Variants in PPP3CC observed in about 807,000 individuals in gnomAD.
PPP3CC encodes the protein protein phosphatase 3 catalytic subunit gamma.
PPP3CC carries 35 observed loss-of-function variants against 60.3 expected under a neutral mutation model. That is an observed-to-expected ratio of 0.58 (90% CI 0.44 to 0.77). The LOEUF (loss-of-function observed/expected upper bound fraction) is 0.77, where lower values mean the gene tolerates loss of function less well. Among genes scored for constraint, PPP3CC ranks in the 30% least tolerant of loss-of-function variants. PPP3CC has a pLI of 0.00. For missense variants in PPP3CC, 570 were observed against 628.9 expected (o/e 0.91, Z 1.00); for synonymous variants, 206 against 224.3 (o/e 0.92, Z 0.73).
rs1839436506 is a variant in PPP3CC at position 22,522,555 on chromosome 8, G to A, written c.835G>A (p.Ala279Thr). The A allele has an allele frequency of 2.5e-6, 4 of 1,612,092 alleles. No homozygotes were observed. The highest frequency in any genetic ancestry group is 3.4e-6 in the Non-Finnish European group (4 of 1,178,754). ...NLLSIIRAHE[A>T]QDAGYRMYRK... is the part of the protein sequence containing the mutation. ...ACTATCAATTATCAGAGCCCATGAA[G>A]CCCAAGATGCTGGGTAAGTTACATT... Residue 279 changes from alanine to threonine, a missense_variant, in exon 7 of 14, where the codon GCC (alanine) becomes ACC (threonine). Coordinates refer to ENST00000240139, the MANE Select transcript of PPP3CC (RefSeq NM_005605.5).
intron 6 of PPP3CC, among the ~76,000 whole-genome samples, chr8:22,517,669 TATG>T (rs1481008118): frequency 7.2e-5 from 11 of 152,324 alleles, no homozygotes; most frequent in African/African-American, 2.4e-4. Context: ...AATAGTCCGT[TATG>T]ATCCCTTTTA....
intron 1 of PPP3CC, among the ~76,000 whole-genome samples, chr8:22,450,832 TTTA>T (rs1347452064): frequency 1.3e-5 from 2 of 148,230 alleles, no homozygotes; most frequent in African/African-American, 4.9e-5. Context: ...TATTTATTTA[TTTA>T]TTTATTTATT....
intron 1 of PPP3CC, among the ~76,000 whole-genome samples, chr8:22,457,545 C>T (rs370884449): frequency 2.0e-5 from 3 of 151,372 alleles, no homozygotes; most frequent in African/African-American, 7.3e-5. Context: ...AGGCCTCAAG[C>T]GATCCATCTG....
chr8:22,464,134 G>T (rs1044231152), intron 1 of PPP3CC, among the ~76,000 whole-genome samples: 1 of 151,994 alleles, frequency 6.6e-6, no homozygotes, highest in African/African-American at 2.4e-5. Flanking sequence ...AATTGGGAAG[G>T]CTTAACTTTC....
In PPP3CC at chr8:22,532,308, T is replaced by C; in HGVS notation, c.1223+2T>C. 1 of 1,606,016 alleles carries C rather than the reference T, an allele frequency of 6.2e-7. No individual in the cohort carries two copies. Among genetic ancestry groups the C allele is most frequent in the Non-Finnish European group, 8.5e-7 (1 of 1,172,728 alleles). The stretch of plus-strand genomic sequence containing the variant: ...GGCACGGGTCTTTTCAATTCTTCGG[T>C]AAGGATGTCTGTCATTACAGTGCGG... On this transcript the variant is annotated splice_donor_variant, in intron 11 of 13. Coordinates refer to ENST00000240139, the MANE Select transcript of PPP3CC (RefSeq NM_005605.5). LOFTEE classifies it high-confidence loss of function.
chr8:22,512,740 G>A (rs2461489), intron 5 of PPP3CC, among the ~76,000 whole-genome samples: 64,852 of 151,924 alleles, frequency 0.43, 14,047 homozygotes, highest in East Asian at 0.55. Flanking sequence ...GATGTAAGAG[G>A]GTCTTTTACT....
Position 22,528,532 on chromosome 8 carries a change from A to C in PPP3CC, c.1096A>C (p.Asn366His). ...KVTEMLVNVL[N>H]ICSDDELISD... is the part of the protein sequence containing the mutation. ...CACAGAGATGCTGGTAAATGTGCTC[A>C]ACATATGCTCTGATGACGAACTGAT... is the stretch of plus-strand genomic sequence containing the variant. Residue 366 changes from asparagine (N) to histidine (H), a missense_variant, in exon 10 of 14, where the codon AAC becomes CAC. Physicochemically the swap from Asn to His is moderately conservative, Grantham distance 68. Transcript: ENST00000240139. 4 of 1,559,204 alleles carry C rather than the reference A, an allele frequency of 2.6e-6. No homozygotes were observed. Among genetic ancestry groups the C allele is most frequent in the Non-Finnish European group, 3.5e-6 (4 of 1,147,942 alleles).
intron 10 of PPP3CC, among the ~76,000 whole-genome samples, chr8:22,530,132 G>A (rs1839663120): frequency 6.6e-6 from 1 of 152,186 alleles, no homozygotes; most frequent in African/African-American, 2.4e-5. Flanking sequence ...CCGCACTGAA[G>A]ATCAACAGCA....
At chr8:22,514,376 CT>C (rs1454384107) in intron 6 of PPP3CC, among the ~76,000 whole-genome samples, 1 of 151,324 alleles carries the variant, frequency 6.6e-6, no homozygotes, top group Non-Finnish European at 1.5e-5. Flanking sequence ...TGTTAATTGG[CT>C]AAGATAATGT....
At chr8:22,508,579 A>G (rs1438844987) in intron 4 of PPP3CC, among the ~76,000 whole-genome samples, 2 of 152,218 alleles carry the variant, frequency 1.3e-5, no homozygotes, top group African/African-American at 4.8e-5. Context: ...TTTTGGAAGT[A>G]GGCTAAGGAA....
chr8:22,525,420 CTTTCTCTCTTTTCT>C (rs916893288), intron 8 of PPP3CC, among the ~76,000 whole-genome samples: 4 of 151,768 alleles, frequency 2.6e-5, no homozygotes, highest in African/African-American at 9.7e-5. Flanking sequence ...TCTTCTTTCT[CTTTCTCTCTTTTCT>C]TTTCTCTCTC....
At chr8:22,489,101 C>T (rs906669131) in intron 3 of PPP3CC, among the ~76,000 whole-genome samples, 1 of 151,484 alleles carries the variant, frequency 6.6e-6, no homozygotes. Context: ...ATTACTTTGG[C>T]TGTTAGAAGG....
chr8:22,504,786 C>T (rs1838864461), intron 4 of PPP3CC, among the ~76,000 whole-genome samples: 1 of 139,642 alleles, frequency 7.2e-6, no homozygotes, highest in African/African-American at 2.6e-5. Flanking sequence ...AAAATCATTG[C>T]TTACTACAGC....
At chr8:22,532,178 C>A (rs1487219288) in intron 10 of PPP3CC, 47 bp from the exon 11 acceptor site, 2 of 1,388,496 alleles carry the variant, frequency 1.4e-6, no homozygotes, top group Non-Finnish European at 2.0e-6. Flanking sequence ...TTAAAGGCAG[C>A]CTATTAACAC....
intron 8 of PPP3CC, 130 bp from the exon 9 acceptor site, chr8:22,527,262 C>G (rs1839582433): frequency 1.0e-6 from 1 of 1,002,364 alleles, no homozygotes; most frequent in Admixed American, 2.4e-5. Context: ...TGCCCTTTAC[C>G]TAGTCAAGTC....
intron 6 of PPP3CC, among the ~76,000 whole-genome samples, chr8:22,516,266 C>T (rs1240453307): frequency 6.6e-6 from 1 of 152,166 alleles, no homozygotes; most frequent in Non-Finnish European, 1.5e-5. Flanking sequence ...TCCATGCCAA[C>T]TTTTCCAGTG....
intron 1 of PPP3CC, among the ~76,000 whole-genome samples, chr8:22,471,809 A>G (rs1837730775): frequency 6.6e-6 from 1 of 152,130 alleles, no homozygotes; most frequent in African/African-American, 2.4e-5. Context: ...AACACTGAAC[A>G]CTTAGGCTAC....
At chr8:22,523,689 C>T (rs1306586539) in intron 8 of PPP3CC, 1 of 453,874 alleles carries the variant, frequency 2.2e-6, no homozygotes, top group Non-Finnish European at 4.4e-6. Flanking sequence ...GGGAAATCTT[C>T]GTCCTTTGAG....
At chr8:22,534,578 G>A (rs1412690312) in intron 12 of PPP3CC, among the ~76,000 whole-genome samples, 1 of 152,200 alleles carries the variant, frequency 6.6e-6, no homozygotes, top group East Asian at 1.9e-4. Flanking sequence ...TAACCCAGCA[G>A]TTCCACACCT....
Sources: gnomAD v4.1 joint callset for allele counts (sites outside exome capture counted in the v4.1 genomes callset) on GRCh38, gnomAD v4.1.1 for gene constraint, MANE v1.5 for transcripts, NCBI Gene and HGNC (gene_info 2026-07-23, HGNC 2026-07-21) for gene names.